Variants in CADPS observed in about 807,000 individuals in gnomAD.
The protein encoded by CADPS is calcium dependent secretion activator, also known as calcium-dependent secretion activator 1.
In CADPS, 57 loss-of-function variants were observed where a neutral mutation model predicts 167.3. The ratio of observed to expected loss-of-function variants is 0.34; its 90% CI spans 0.28 to 0.42. The LOEUF is 0.42. CADPS is among the 20% of genes least tolerant of loss of function. The pLI is 1.00. For synonymous variants in CADPS, 676 were observed against 635.3 expected (o/e 1.06, Z -0.96); for missense variants, 1,414 against 1,738.1 (o/e 0.81, Z 3.32).
chr3:62,460,144 C>A (rs1338364040), intron 26 of CADPS, among the ~76,000 whole-genome samples: 1 of 152,150 alleles, frequency 6.6e-6, no homozygotes, highest in Admixed American at 6.5e-5. Context: ...CACTCACCAT[C>A]ACTTATCTAT....
At chr3:62,567,273 T>G (rs984594085) in intron 9 of CADPS, among the ~76,000 whole-genome samples, 4 of 152,168 alleles carry the variant, frequency 2.6e-5, no homozygotes, top group African/African-American at 9.7e-5. Flanking sequence ...CAGCCACTTC[T>G]CGGAGCACAT....
intron 6 of CADPS, among the ~76,000 whole-genome samples, chr3:62,612,253 T>C (rs1017112416): frequency 3.9e-5 from 6 of 152,214 alleles, no homozygotes; most frequent in African/African-American, 1.2e-4. Context: ...AGAGTTCTTA[T>C]GAAGTTCAAT....
intron 3 of CADPS, among the ~76,000 whole-genome samples, chr3:62,690,556 G>C (rs148733758): frequency 6.6e-6 from 1 of 151,800 alleles, no homozygotes; most frequent in Admixed American, 6.6e-5. Flanking sequence ...AAGTTAAAAA[G>C]AGAACCCGGA....
intron 28 of CADPS, among the ~76,000 whole-genome samples, chr3:62,410,973 T>C (rs1332931067): frequency 2.0e-5 from 3 of 152,158 alleles, no homozygotes; most frequent in South Asian, 2.1e-4. Flanking sequence ...AGTATGGTGG[T>C]GTGTGCCTGT....
chr3:62,427,378 C>T (rs1256951561), intron 28 of CADPS, among the ~76,000 whole-genome samples: 1 of 152,088 alleles, frequency 6.6e-6, no homozygotes, highest in Non-Finnish European at 1.5e-5. Context: ...AGATCATGCT[C>T]ATGATTTAAA....
chr3:62,507,160 C>G (rs190678683), intron 17 of CADPS, among the ~76,000 whole-genome samples: 1 of 152,094 alleles, frequency 6.6e-6, no homozygotes, highest in African/African-American at 2.4e-5. Context: ...TGGGCGGGAG[C>G]TTGGAGCATC....
At chr3:62,506,681 A>G (rs1338049959) in intron 17 of CADPS, among the ~76,000 whole-genome samples, 1 of 152,182 alleles carries the variant, frequency 6.6e-6, no homozygotes, top group East Asian at 1.9e-4. Context: ...ACTTCCAAGG[A>G]AAGTATCCTT....
At position 62,536,264 on chromosome 3, in the gene CADPS, C is replaced by T. The variant is rs186105313; in HGVS notation, c.2103+181G>A. On this transcript the variant is annotated intron_variant, in intron 12 of 29. Coordinates refer to ENST00000383710, the MANE Select transcript of CADPS (RefSeq NM_003716.4). ...GATCTGTTTCTACTGATAACTTCCT[C>T]CCGCTCAGTCTTGTTTCTTTGGTAA... 67 of 552,292 alleles carry T rather than the reference C, an allele frequency of 1.2e-4. No individual in the cohort carries two copies. The Admixed American group carries it at 1.7e-3, about 14-fold the overall frequency. The allele number at this position is 552,292 out of a possible 1,614,324, so 34.2% of individuals were successfully genotyped here. A position where few individuals can be genotyped will look rare whatever the true frequency, so the allele number is the denominator to read the frequency against.
At chr3:62,867,668 A>G (rs2081950621) in intron 1 of CADPS, among the ~76,000 whole-genome samples, 2 of 152,250 alleles carry the variant, frequency 1.3e-5, no homozygotes, top group South Asian at 2.1e-4. Flanking sequence ...AATAATGAAT[A>G]TAAGGCTTGT....
chr3:62,636,382 A>G (rs2066305396), intron 6 of CADPS, among the ~76,000 whole-genome samples: 1 of 152,194 alleles, frequency 6.6e-6, no homozygotes, highest in African/African-American at 2.4e-5. Context: ...GCTGTTAAAG[A>G]CTGCCTGAAA....
At chr3:62,509,880 G>T (rs1186115125) in intron 17 of CADPS, among the ~76,000 whole-genome samples, 2 of 152,110 alleles carry the variant, frequency 1.3e-5, no homozygotes, top group African/African-American at 4.8e-5. Flanking sequence ...AGACAAAAAT[G>T]CATGGTATTT....
chr3:62,870,650 C>T (rs1577675041), intron 1 of CADPS, among the ~76,000 whole-genome samples: 1 of 152,078 alleles, frequency 6.6e-6, no homozygotes, highest in South Asian at 2.1e-4. Flanking sequence ...ACCCTTTTCC[C>T]CCATCATGCA....
chr3:62,645,813 A>T lies in CADPS; in HGVS notation c.1234T>A (p.Ser412Thr). 1 of 1,614,096 alleles carries T rather than the reference A, an allele frequency of 6.2e-7. No individual in the cohort carries two copies. Among genetic ancestry groups the T allele is most frequent in the Non-Finnish European group, 8.5e-7 (1 of 1,179,958 alleles). Reference sequence around the variant, plus strand: ...TATACGATGCGATTTGGAGCCAAAGATTTGAGGCCTTGGACTTCCATAATT... The same window carrying T: ...TATACGATGCGATTTGGAGCCAAAGTTTTGAGGCCTTGGACTTCCATAATT... ...VVIMEVQGLK[S>T]LAPNRIVYCT... The change falls in exon 6 of 30, where the codon TCT becomes ACT. Residue 412 changes from serine (S) to threonine (T), a missense_variant. By Grantham distance (58) the Ser-to-Thr change is moderately conservative. Coordinates refer to ENST00000383710, the MANE Select transcript of CADPS (RefSeq NM_003716.4).
intron 6 of CADPS, among the ~76,000 whole-genome samples, chr3:62,639,311 C>T (rs897486662): frequency 6.6e-6 from 1 of 152,162 alleles, no homozygotes; most frequent in Admixed American, 6.6e-5. Flanking sequence ...AGTATCCAAG[C>T]TCCACGTTCT....
intron 1 of CADPS, among the ~76,000 whole-genome samples, chr3:62,846,060 T>G (rs1451814032): frequency 1.1e-5 from 1 of 93,840 alleles, no homozygotes; most frequent in African/African-American, 3.5e-5. Context: ...CTTTGCTCTC[T>G]CTCTCTCTCT....
At chr3:62,509,956 T>G (rs183384154) in intron 17 of CADPS, among the ~76,000 whole-genome samples, 1 of 152,258 alleles carries the variant, frequency 6.6e-6, no homozygotes, top group Admixed American at 6.5e-5. Context: ...GAATCACAGC[T>G]CCTTCATCTG....
chr3:62,512,300 C>T (rs528050767), intron 17 of CADPS, among the ~76,000 whole-genome samples: 4 of 152,152 alleles, frequency 2.6e-5, no homozygotes, highest in Admixed American at 6.6e-5. Flanking sequence ...CTTTATCATG[C>T]GATACATACA....
At chr3:62,783,039 C>T (rs112629553) in intron 1 of CADPS, among the ~76,000 whole-genome samples, 2 of 152,134 alleles carry the variant, frequency 1.3e-5, no homozygotes, top group Non-Finnish European at 2.9e-5. Flanking sequence ...GGATTACAGG[C>T]GTGAGCCATT....
At chr3:62,842,302 G>A (rs2076757846) in intron 1 of CADPS, among the ~76,000 whole-genome samples, 1 of 152,158 alleles carries the variant, frequency 6.6e-6, no homozygotes, top group South Asian at 2.1e-4. Context: ...TGAGGTAAAG[G>A]GAAGTTAAGT....
Sources: allele counts gnomAD v4.1 joint callset (sites outside exome capture counted in the v4.1 genomes callset), GRCh38; gene constraint gnomAD v4.1.1; transcripts MANE v1.5; gene names NCBI Gene and HGNC (gene_info 2026-07-23, HGNC 2026-07-21).